The following METTL15 variants were observed in gnomAD, a reference collection of about 807,000 sequenced individuals.
METTL15 encodes methyltransferase 15, mitochondrial 12S rRNA N4-cytidine, also known as 12S rRNA N(4)-cytidine methyltransferase METTL15.
A neutral mutation model predicts 38.3 loss-of-function variants in METTL15; 34 were observed. The observed-to-expected ratio is 0.89, with a 90% CI of 0.68 to 1.18. The LOEUF is 1.18. Among genes scored for constraint, METTL15 ranks in the 50% most tolerant of loss-of-function variants. The pLI is 0.00. For missense variants in METTL15, 438 were observed against 498.4 expected (o/e 0.88, Z 1.15); for synonymous variants, 162 against 170.9 (o/e 0.95, Z 0.41).
intron 4 of METTL15, among the ~76,000 whole-genome samples, chr11:28,220,686 G>A (rs1009624677): frequency 1.3e-5 from 2 of 152,104 alleles, no homozygotes; most frequent in African/African-American, 2.4e-5. Context: ...GCATGTTTTT[G>A]CAGTGGCTGG....
At chr11:28,142,941 A>ATAGAGTGG (rs1849749226) in intron 3 of METTL15, among the ~76,000 whole-genome samples, 1 of 152,126 alleles carries the variant, frequency 6.6e-6, no homozygotes, top group Non-Finnish European at 1.5e-5. Flanking sequence ...GGTAGTTTAG[A>ATAGAGTGG]TAGAGTGGTA....
At chr11:28,258,018 A>G (rs1855043089) in intron 4 of METTL15, among the ~76,000 whole-genome samples, 1 of 152,172 alleles carries the variant, frequency 6.6e-6, no homozygotes, top group South Asian at 2.1e-4. Flanking sequence ...GTTTGTACCC[A>G]TCTTTCTTGG....
intron 6 of METTL15, among the ~76,000 whole-genome samples, chr11:28,512,826 G>A (rs749884473): frequency 1.3e-5 from 2 of 152,208 alleles, no homozygotes; most frequent in African/African-American, 4.8e-5. Context: ...TGCCAAAGTG[G>A]GAGCCCAGGC....
intron 2 of METTL15, among the ~76,000 whole-genome samples, chr11:28,110,836 T>C (rs991902293): frequency 6.6e-6 from 1 of 152,206 alleles, no homozygotes; most frequent in Non-Finnish European, 1.5e-5. Flanking sequence ...TTTTATGCTC[T>C]CAACAGCCAA....
intron 3 of METTL15, among the ~76,000 whole-genome samples, chr11:28,142,215 A>C (rs1018173273): frequency 1.3e-5 from 2 of 152,250 alleles, no homozygotes; most frequent in Non-Finnish European, 2.9e-5. Context: ...TGAGTGTTAC[A>C]GTGAGTGGAC....
intron 3 of METTL15, among the ~76,000 whole-genome samples, chr11:28,210,038 T>A (rs1417291355): frequency 3.3e-5 from 5 of 152,020 alleles, no homozygotes; most frequent in Non-Finnish European, 5.9e-5. Flanking sequence ...ATGTCTTGAC[T>A]TGCAAACTAG....
At chr11:28,372,996 C>G (rs1398934474) in intron 5 of METTL15, among the ~76,000 whole-genome samples, 1 of 151,808 alleles carries the variant, frequency 6.6e-6, no homozygotes, top group African/African-American at 2.4e-5. Flanking sequence ...ATATGTGCCA[C>G]ATTTTCTTAA....
chr11:28,363,470 C>G (rs1046707133), intron 5 of METTL15, among the ~76,000 whole-genome samples: 2 of 152,178 alleles, frequency 1.3e-5, no homozygotes, highest in Non-Finnish European at 2.9e-5. Context: ...CTGCACCCAG[C>G]CTTCACTTGT....
chr11:28,322,180 A>C (rs921987975), intron 6 of METTL15, among the ~76,000 whole-genome samples: 2 of 152,106 alleles, frequency 1.3e-5, no homozygotes, highest in Admixed American at 6.5e-5. Flanking sequence ...ATCTGTATAA[A>C]AATGTTTAAT....
intron 3 of METTL15, among the ~76,000 whole-genome samples, chr11:28,189,573 A>G (rs1851625744): frequency 6.6e-6 from 1 of 151,308 alleles, no homozygotes; most frequent in South Asian, 2.1e-4. Context: ...AATCTCAATT[A>G]ACCATGGAGC....
At chr11:28,280,342 G>C (rs375470897) in intron 4 of METTL15, among the ~76,000 whole-genome samples, 1 of 151,984 alleles carries the variant, frequency 6.6e-6, no homozygotes, top group Non-Finnish European at 1.5e-5. Context: ...AGCAATTTTT[G>C]TCTTCTGGCT....
intron 6 of METTL15, among the ~76,000 whole-genome samples, chr11:28,425,496 A>T (rs1386245208): frequency 6.6e-6 from 1 of 152,154 alleles, no homozygotes; most frequent in Non-Finnish European, 1.5e-5. Context: ...TGAAAGAATT[A>T]TGCTCCTTTT....
intron 3 of METTL15, chr11:28,145,373 A>T (rs902371615): frequency 2.6e-5 from 4 of 151,828 alleles, no homozygotes. Context: ...TTTAAATTTA[A>T]TTTTTTTAAA....
intron 6 of METTL15, among the ~76,000 whole-genome samples, chr11:28,512,354 G>A (rs1265129102): frequency 6.6e-6 from 1 of 152,232 alleles, no homozygotes; most frequent in Non-Finnish European, 1.5e-5. Context: ...CCCTTGGGTG[G>A]TTGATGGGAC....
chr11:28,509,986 G>A (rs1275426767), intron 6 of METTL15, among the ~76,000 whole-genome samples: 1 of 151,906 alleles, frequency 6.6e-6, no homozygotes, highest in Non-Finnish European at 1.5e-5. Context: ...AATTTTCCTG[G>A]ATGCCCACAT....
intron 6 of METTL15, among the ~76,000 whole-genome samples, chr11:28,481,902 C>T (rs1851398373): frequency 6.6e-6 from 1 of 152,142 alleles, no homozygotes; most frequent in African/African-American, 2.4e-5. Context: ...TTTCCACAGC[C>T]CATTGCTGTT....
chr11:28,345,072 C>T (rs971311668), intron 3 of METTL15, among the ~76,000 whole-genome samples: 1 of 152,200 alleles, frequency 6.6e-6, no homozygotes, highest in Non-Finnish European at 1.5e-5. Context: ...TTAATCACTA[C>T]AGGTATATCT....
At chr11:28,208,321 G>T (rs139285810) in intron 3 of METTL15, among the ~76,000 whole-genome samples, 1 of 151,856 alleles carries the variant, frequency 6.6e-6, no homozygotes, top group Non-Finnish European at 1.5e-5. Flanking sequence ...CTTTGTTGTC[G>T]TTAGTTTCAA....
At chr11:28,377,958 T>C (rs1850336650) in intron 5 of METTL15, among the ~76,000 whole-genome samples, 1 of 152,150 alleles carries the variant, frequency 6.6e-6, no homozygotes, top group Non-Finnish European at 1.5e-5. Context: ...GCCTCCCAGT[T>C]AGGCTGCTCG....
Sources: gnomAD v4.1 joint callset for allele counts (sites outside exome capture counted in the v4.1 genomes callset) on GRCh38, gnomAD v4.1.1 for gene constraint, MANE v1.5 for transcripts, NCBI Gene and HGNC (gene_info 2026-07-23, HGNC 2026-07-21) for gene names.